Variants in TPD52 observed in about 807,000 individuals in gnomAD.
TPD52 encodes tumor protein D52.
Under a neutral mutation model 31.3 loss-of-function variants are expected in TPD52, and 17 were observed. The observed-to-expected ratio is 0.54, with a 90% CI of 0.37 to 0.82. TPD52 has a LOEUF of 0.82. Ranked by LOEUF, TPD52 falls within the 40% of genes least tolerant of loss-of-function variation. The pLI, the probability that TPD52 is intolerant of heterozygous loss-of-function variation, is 0.00. For missense variants in TPD52, 212 were observed against 240.1 expected (o/e 0.88, Z 0.77); for synonymous variants, 83 against 89.6 (o/e 0.93, Z 0.42).
chr8:80,091,966 T>C (rs1025890080), intron 1 of TPD52, among the ~76,000 whole-genome samples: 1 of 152,258 alleles, frequency 6.6e-6, no homozygotes, highest in East Asian at 1.9e-4. Flanking sequence ...TTTCTAACTA[T>C]ATACATTTGA....
At chr8:80,071,667 G>C (rs1813805104) in intron 1 of TPD52, among the ~76,000 whole-genome samples, 1 of 151,886 alleles carries the variant, frequency 6.6e-6, no homozygotes, top group Non-Finnish European at 1.5e-5. Context: ...TCACTCTCTG[G>C]ACATCCACTT....
At chr8:80,080,843 A>C (rs1815191696) in intron 1 of TPD52, 1 of 684,530 alleles carries the variant, frequency 1.5e-6, no homozygotes, top group Non-Finnish European at 1.8e-6. Flanking sequence ...CTGACTTACA[A>C]CAAGAAACTA....
chr8:80,058,931 T>C lies in TPD52; in HGVS notation c.136-5501A>G, dbSNP rs117422909. On this transcript the variant is annotated intron_variant, in intron 2 of 7. Coordinates refer to ENST00000518937, the MANE Select transcript of TPD52 (RefSeq NM_001025253.3). ...AGTAGTACAAACAGACAGAAGATCATAGAGACGACTTGAACAATACCATAC... is the reference window on the plus strand; with the variant it reads ...AGTAGTACAAACAGACAGAAGATCACAGAGACGACTTGAACAATACCATAC... Among the ~76,000 whole-genome samples, 999 of 152,286 alleles carry C rather than the reference T, an allele frequency of 6.6e-3. 6 individuals are homozygous for C. The highest frequency in any genetic ancestry group is 0.01 in the Admixed American group (158 of 15,290).
intron 1 of TPD52, among the ~76,000 whole-genome samples, chr8:80,065,934 ATTTTTT>A (rs33925188): frequency 8.6e-4 from 111 of 129,482 alleles, no homozygotes; most frequent in African/African-American, 2.4e-3. Context: ...CTGGCAACAG[ATTTTTT>A]TTTTTTTTTT....
chr8:80,077,738 G>A (rs190389731), intron 1 of TPD52, among the ~76,000 whole-genome samples: 34 of 152,290 alleles, frequency 2.2e-4, no homozygotes, highest in African/African-American at 7.9e-4. Context: ...CTCCTTACCA[G>A]TGTCATTCAT....
chr8:80,082,511 CT>C (rs573555043), intron 1 of TPD52, among the ~76,000 whole-genome samples: 308 of 152,346 alleles, frequency 2.0e-3, no homozygotes, highest in Non-Finnish European at 3.5e-3. Flanking sequence ...CCACAGTCAC[CT>C]CCATCCTTCT....
At chr8:80,042,205 A>G (rs1810456229) in intron 7 of TPD52, 3 of 985,484 alleles carry the variant, frequency 3.0e-6, no homozygotes, top group Non-Finnish European at 3.6e-6. Context: ...GCGTAACAGC[A>G]TAATAGCACA....
intron 1 of TPD52, among the ~76,000 whole-genome samples, chr8:80,149,158 A>G (rs1474901231): frequency 6.6e-6 from 1 of 152,216 alleles, no homozygotes; most frequent in African/African-American, 2.4e-5. Context: ...TGCAGCTCCC[A>G]TAATTCCCGT....
At chr8:80,152,917 G>A (rs1006037526) in intron 1 of TPD52, among the ~76,000 whole-genome samples, 1 of 152,098 alleles carries the variant, frequency 6.6e-6, no homozygotes, top group Non-Finnish European at 1.5e-5. Flanking sequence ...CAACTTGACG[G>A]GGTGTGTGCT....
intron 1 of TPD52, among the ~76,000 whole-genome samples, chr8:80,093,232 A>G (rs1816427144): frequency 1.3e-5 from 2 of 152,152 alleles, no homozygotes; most frequent in South Asian, 4.1e-4. Context: ...TAAGAGAATG[A>G]AAGCAGGCCA....
chr8:80,147,685 G>T (rs956699596), intron 1 of TPD52, among the ~76,000 whole-genome samples: 19 of 152,130 alleles, frequency 1.2e-4, no homozygotes, highest in South Asian at 2.1e-4. Context: ...GAGCAGGGCA[G>T]CAGGGCAAAG....
chr8:80,143,246 C>T (rs982882725), intron 1 of TPD52, among the ~76,000 whole-genome samples: 4 of 152,160 alleles, frequency 2.6e-5, no homozygotes, highest in African/African-American at 9.7e-5. Flanking sequence ...CACTTCTTTT[C>T]CCCTCTCTGG....
In TPD52 at chr8:80,140,448, A is replaced by G. The variant is rs183751120; in HGVS notation, c.19+30977T>C. On this transcript the variant is annotated intron_variant, in intron 1 of 7. Coordinates refer to ENST00000518937, the MANE Select transcript of TPD52 (RefSeq NM_001025253.3). ...ACAGCTCGCTTTTTCCAGGAACATT[A>G]ACTCTTTTTTCAGACATAAAGTAGT... is the stretch of plus-strand genomic sequence containing the variant. Among the ~76,000 whole-genome samples, 7 of 152,328 alleles carry G rather than the reference A, an allele frequency of 4.6e-5. No homozygotes were observed. In the East Asian group the frequency reaches 1.4e-3, roughly 29 times the overall value.
intron 1 of TPD52, among the ~76,000 whole-genome samples, chr8:80,158,181 G>A (rs1586417250): frequency 6.6e-6 from 1 of 151,392 alleles, no homozygotes; most frequent in African/African-American, 2.4e-5. Context: ...TCCCTTTCCG[G>A]TTGCCTTCCC....
intron 1 of TPD52, among the ~76,000 whole-genome samples, chr8:80,148,138 T>C (rs1810328079): frequency 7.1e-6 from 1 of 140,274 alleles, no homozygotes; most frequent in Non-Finnish European, 1.5e-5. Context: ...TATTAAAACT[T>C]ACAAATTTTC....
intron 1 of TPD52, among the ~76,000 whole-genome samples, chr8:80,126,757 A>T (rs1808640921): frequency 6.6e-6 from 1 of 152,162 alleles, no homozygotes; most frequent in Non-Finnish European, 1.5e-5. Context: ...TGCTGGGATT[A>T]CAAGCATGAG....
At chr8:80,100,087 C>T (rs4740101) in intron 1 of TPD52, among the ~76,000 whole-genome samples, 8,550 of 152,208 alleles carry the variant, frequency 0.056, 315 homozygotes, top group African/African-American at 0.094. Context: ...TATCAAAACA[C>T]GCAATTTTAA....
At chr8:80,041,376 G>A (rs550742267) in intron 7 of TPD52, among the ~76,000 whole-genome samples, 5 of 152,140 alleles carry the variant, frequency 3.3e-5, no homozygotes, top group African/African-American at 4.8e-5. Context: ...GATGCATTTC[G>A]TGACTCAAAG....
chr8:80,071,565 C>G (rs1431753752), intron 1 of TPD52, among the ~76,000 whole-genome samples: 1 of 152,104 alleles, frequency 6.6e-6, no homozygotes, highest in African/African-American at 2.4e-5. Flanking sequence ...ACGCCAAGGC[C>G]ATCTGACATT....
Sources: gnomAD v4.1 joint callset for allele counts (sites outside exome capture counted in the v4.1 genomes callset) on GRCh38, gnomAD v4.1.1 for gene constraint, MANE v1.5 for transcripts, NCBI Gene and HGNC (gene_info 2026-07-23, HGNC 2026-07-21) for gene names.